RAP1A: variants seen among roughly 807,000 people sequenced by gnomAD.
RAP1A encodes RAP1A, member of RAS oncogene family.
A neutral mutation model predicts 26.4 loss-of-function variants in RAP1A; 6 were observed. The observed-to-expected ratio is 0.23, with a 90% CI of 0.12 to 0.45. The LOEUF (loss-of-function observed/expected upper bound fraction) is 0.45. RAP1A is among the 20% of genes least tolerant of loss of function. The pLI is 0.99. For missense variants in RAP1A, 121 were observed against 217.2 expected (o/e 0.56, Z 2.78); for synonymous variants, 73 against 79.4 (o/e 0.92, Z 0.43).
intron 1 of RAP1A, among the ~76,000 whole-genome samples, chr1:111,573,105 T>TGCAA (rs1217305753): frequency 6.6e-6 from 1 of 152,244 alleles, no homozygotes. Context: ...TTGCATAGTA[T>TGCAA]TCCATGGTGA....
At chr1:111,688,718 T>C (rs1661571364) in intron 1 of RAP1A, among the ~76,000 whole-genome samples, 1 of 152,128 alleles carries the variant, frequency 6.6e-6, no homozygotes, top group Non-Finnish European at 1.5e-5. Context: ...ATTTGATTAT[T>C]GTGCCTCGTT....
intron 1 of RAP1A, among the ~76,000 whole-genome samples, chr1:111,562,727 T>C (rs923592443): frequency 2.6e-5 from 4 of 152,242 alleles, no homozygotes; most frequent in African/African-American, 9.6e-5. Context: ...TGCTGTTTAC[T>C]TCTCTGCCTG....
At chr1:111,699,479 TGAAACAGGG>T (rs1661948647) in intron 4 of RAP1A, among the ~76,000 whole-genome samples, 1 of 139,024 alleles carries the variant, frequency 7.2e-6, no homozygotes, top group Non-Finnish European at 1.6e-5. Context: ...TTTTTTTTTT[TGAAACAGGG>T]TCTCTCTCTG....
chr1:111,656,157 T>A (rs898729584), intron 1 of RAP1A, among the ~76,000 whole-genome samples: 1 of 152,122 alleles, frequency 6.6e-6, no homozygotes, highest in Non-Finnish European at 1.5e-5. Flanking sequence ...TACTGTACAT[T>A]TATTGCAATA....
intron 1 of RAP1A, among the ~76,000 whole-genome samples, chr1:111,586,597 A>T (rs539490768): frequency 6.6e-6 from 1 of 152,322 alleles, no homozygotes; most frequent in African/African-American, 2.4e-5. Context: ...ACAACAAAAA[A>T]GTGGAGGATG....
At chr1:111,612,308 G>C (rs982455034) in intron 1 of RAP1A, among the ~76,000 whole-genome samples, 2 of 152,192 alleles carry the variant, frequency 1.3e-5, no homozygotes, top group Non-Finnish European at 2.9e-5. Flanking sequence ...CTCTTTCCAA[G>C]ATTTGCAGAG....
intron 1 of RAP1A, among the ~76,000 whole-genome samples, chr1:111,603,820 A>T (rs1256311967): frequency 6.6e-6 from 1 of 152,172 alleles, no homozygotes; most frequent in African/African-American, 2.4e-5. Flanking sequence ...AACAAAAAAA[A>T]TTTGCAGGAT....
chr1:111,695,361 A>G lies in RAP1A; in HGVS notation c.78A>G (p.Gly26=). 3 of 1,569,176 alleles carry G rather than the reference A, an allele frequency of 1.9e-6. No homozygotes were observed. The highest frequency in any genetic ancestry group is 2.6e-6 in the Non-Finnish European group (3 of 1,164,988). The change falls in exon 3 of 8, where the codon GGA becomes GGG. Residue 26 remains glycine, a synonymous_variant. Transcript: ENST00000369709. The part of the protein sequence containing the change: ...KSALTVQFVQ[G]IFVEKYDPTI... Reference sequence around the variant, plus strand: ...CCCAGACAGTTCAGTTTGTTCAGGGAATTTTTGTTGAAAAATATGACCCAA... The same window carrying G: ...CCCAGACAGTTCAGTTTGTTCAGGGGATTTTTGTTGAAAAATATGACCCAA...
intron 1 of RAP1A, among the ~76,000 whole-genome samples, chr1:111,668,793 C>T (rs1660879092): frequency 6.6e-6 from 1 of 151,822 alleles, no homozygotes; most frequent in African/African-American, 2.4e-5. Context: ...TTTGGGAGGC[C>T]AAGGCAGGTA....
chr1:111,570,064 C>T (rs1018671427), intron 1 of RAP1A, among the ~76,000 whole-genome samples: 3 of 152,136 alleles, frequency 2.0e-5, no homozygotes, highest in Admixed American at 1.3e-4. Flanking sequence ...TCCCAGGGGA[C>T]AGGCAAAGTT....
chr1:111,564,640 G>A (rs1657870954), intron 1 of RAP1A, among the ~76,000 whole-genome samples: 1 of 151,094 alleles, frequency 6.6e-6, no homozygotes, highest in African/African-American at 2.4e-5. Flanking sequence ...AGCCTCCCAA[G>A]TAGCTGGGAC....
intron 1 of RAP1A, among the ~76,000 whole-genome samples, chr1:111,666,718 A>T (rs1299831864): frequency 6.6e-6 from 1 of 152,196 alleles, no homozygotes; most frequent in Non-Finnish European, 1.5e-5. Flanking sequence ...AAGAGTATAT[A>T]AAGTTTTGAC....
At chr1:111,662,548 T>C (rs1483096931) in intron 1 of RAP1A, among the ~76,000 whole-genome samples, 1 of 152,112 alleles carries the variant, frequency 6.6e-6, no homozygotes, top group African/African-American at 2.4e-5. Context: ...CTGTAGCACT[T>C]ACGAGGATAG....
intron 1 of RAP1A, 90 bp from the exon 2 acceptor site, chr1:111,691,241 AAAC>A: frequency 2.4e-6 from 2 of 828,636 alleles, no homozygotes; most frequent in Non-Finnish European, 3.5e-6. Flanking sequence ...ACAAGGAAAA[AAAC>A]AAAACAAACT....
At chr1:111,671,764 A>G (rs753019324) in intron 1 of RAP1A, among the ~76,000 whole-genome samples, 4 of 152,176 alleles carry the variant, frequency 2.6e-5, no homozygotes, top group Non-Finnish European at 5.9e-5. Context: ...ATGAGCCACT[A>G]CGCCCTGCCA....
Position 111,620,311 on chromosome 1 carries a change from G to C in RAP1A, c.-28+377G>C, listed in dbSNP as rs188460909. 2.3e-3 allele frequency among the ~76,000 whole-genome samples: 352 copies of C among 152,340 alleles called. 3 individuals are homozygous for C. Among genetic ancestry groups the C allele is most frequent in the African/African-American group, 8.2e-3 (339 of 41,582 alleles). ...TTTCCCTCGCCGTCTCCCCAGACAC[G>C]GTGCCCTCGTACCTCACTGCCTGAG... is the stretch of plus-strand genomic sequence containing the variant. On this transcript the variant is annotated intron_variant, in intron 1 of 7. Transcript: ENST00000369709.
At chr1:111,569,073 T>G (rs1226302190) in intron 1 of RAP1A, among the ~76,000 whole-genome samples, 2 of 152,158 alleles carry the variant, frequency 1.3e-5, no homozygotes, top group African/African-American at 4.8e-5. Flanking sequence ...TAGTTAACTG[T>G]AGACTGTTAG....
chr1:111,555,362 TAAAAAAAAAAA>T (rs397981230), intron 1 of RAP1A, among the ~76,000 whole-genome samples: 5 of 47,640 alleles, frequency 1.0e-4, no homozygotes, highest in African/African-American at 3.6e-4. Flanking sequence ...TGAGACTCTG[TAAAAAAAAAAA>T]AAAAAAAAAA....
chr1:111,694,631 C>T (rs907956826), intron 2 of RAP1A, among the ~76,000 whole-genome samples: 3 of 152,090 alleles, frequency 2.0e-5, no homozygotes, highest in African/African-American at 7.2e-5. Flanking sequence ...AAAAGTAAGG[C>T]TTTGGAATCA....
Sources: gnomAD v4.1 joint callset for allele counts (sites outside exome capture counted in the v4.1 genomes callset) on GRCh38, gnomAD v4.1.1 for gene constraint, MANE v1.5 for transcripts, NCBI Gene and HGNC (gene_info 2026-07-23, HGNC 2026-07-21) for gene names.